Variants in XKR9 observed in about 807,000 individuals in gnomAD.
The protein encoded by XKR9 is XK related 9, also known as XK-related protein 9.
In XKR9, 32 loss-of-function variants were observed where a neutral mutation model predicts 32.0. The ratio of observed to expected loss-of-function variants is 1.00; its 90% CI spans 0.76 to 1.34. XKR9 has a LOEUF of 1.34. XKR9 is among the 40% of genes most tolerant of loss of function. XKR9 has a pLI of 0.00. For missense variants in XKR9, 546 were observed against 429.7 expected (o/e 1.27, Z -2.39); for synonymous variants, 168 against 143.4 (o/e 1.17, Z -1.22).
the XKR9 span, among the ~76,000 whole-genome samples, chr8:70,859,996 G>A: frequency 2.5e-4 from 38 of 152,226 alleles, no homozygotes; most frequent in Admixed American, 7.9e-4. Context: ...GACTTGAAAT[G>A]TTCCCAACAC....
chr8:70,908,667 CA>C, the XKR9 span, among the ~76,000 whole-genome samples: 3 of 152,210 alleles, frequency 2.0e-5, no homozygotes, highest in Admixed American at 6.5e-5. Context: ...ACTATGTAAA[CA>C]AATGAGTGTG....
the XKR9 span, among the ~76,000 whole-genome samples, chr8:70,957,545 C>T: frequency 4.3e-4 from 65 of 152,198 alleles, no homozygotes; most frequent in African/African-American, 1.5e-3. Context: ...CACTCCCCAT[C>T]CTCTGCCAGG....
At chr8:70,900,355 C>G in the XKR9 span, among the ~76,000 whole-genome samples, 1 of 151,958 alleles carries the variant, frequency 6.6e-6, no homozygotes, top group South Asian at 2.1e-4. Flanking sequence ...TTTGGGAGGC[C>G]GAGGTGGGTC....
the XKR9 span, among the ~76,000 whole-genome samples, chr8:71,045,839 G>A: frequency 6.6e-6 from 1 of 152,194 alleles, no homozygotes; most frequent in African/African-American, 2.4e-5. Flanking sequence ...AGCTGAAGTG[G>A]CTTTGGAGAG....
the XKR9 span, among the ~76,000 whole-genome samples, chr8:70,975,725 T>C: frequency 2.0e-5 from 3 of 152,152 alleles, no homozygotes; most frequent in Non-Finnish European, 4.4e-5. Flanking sequence ...GGCAATGCAG[T>C]CTCTTTTTTG....
In XKR9 at chr8:70,735,368, G is replaced by A. The variant is rs919988630; in HGVS notation, c.*944G>A. 41 of 151,868 alleles carry A rather than the reference G, an allele frequency of 2.7e-4. No homozygotes were observed. The highest frequency in any genetic ancestry group is 8.5e-4 in the African/African-American group (35 of 41,402). The allele number at this position is 151,868 out of a possible 1,614,324, so 9.4% of individuals were successfully genotyped here. A position where few individuals can be genotyped will look rare whatever the true frequency, so the allele number is the denominator to read the frequency against. On this transcript the variant is annotated 3_prime_UTR_variant, in exon 5 of 5. Transcript: ENST00000408926. ...TGAATGTGCCCCCCAGATTTCATGT[G>A]TGTGAAACTTAATCTCCAAATTTGT... is the stretch of plus-strand genomic sequence containing the variant.
At chr8:71,026,515 G>T in the XKR9 span, among the ~76,000 whole-genome samples, 1 of 152,118 alleles carries the variant, frequency 6.6e-6, no homozygotes, top group Middle Eastern at 3.2e-3. Flanking sequence ...AAGTATGTAC[G>T]GTGTGTCCTG....
At chr8:70,984,936 C>T in the XKR9 span, among the ~76,000 whole-genome samples, 1 of 152,104 alleles carries the variant, frequency 6.6e-6, no homozygotes, top group Non-Finnish European at 1.5e-5. Flanking sequence ...TAACTTATTA[C>T]ATTTAAAGAC....
At chr8:70,780,106 T>G (rs933959257) in intron 2 of XKR9, among the ~76,000 whole-genome samples, 1 of 151,618 alleles carries the variant, frequency 6.6e-6, no homozygotes, top group Non-Finnish European at 1.5e-5. Context: ...TATAGAGATA[T>G]TTCTTCTTTT....
the XKR9 span, among the ~76,000 whole-genome samples, chr8:71,041,481 A>G: frequency 6.6e-6 from 1 of 152,166 alleles, no homozygotes; most frequent in Non-Finnish European, 1.5e-5. Flanking sequence ...AAAAATTCCT[A>G]TGTGTTCACT....
chr8:70,698,439 T>C (rs1277899675), intron 3 of XKR9, among the ~76,000 whole-genome samples: 1 of 152,226 alleles, frequency 6.6e-6, no homozygotes, highest in Non-Finnish European at 1.5e-5. Context: ...CATTTCATTA[T>C]GTACCCAGTA....
the XKR9 span, among the ~76,000 whole-genome samples, chr8:70,890,305 C>A: frequency 6.6e-6 from 1 of 151,812 alleles, no homozygotes; most frequent in African/African-American, 2.4e-5. Context: ...TTATTACTTT[C>A]TTTTGTCTAA....
At chr8:71,027,700 T>C in the XKR9 span, among the ~76,000 whole-genome samples, 1 of 151,456 alleles carries the variant, frequency 6.6e-6, no homozygotes, top group African/African-American at 2.4e-5. Context: ...AAAATTGTTT[T>C]GGTTATTCAG....
the XKR9 span, among the ~76,000 whole-genome samples, chr8:70,959,293 C>CT: frequency 6.6e-6 from 1 of 152,054 alleles, no homozygotes. Context: ...CTACTTTTTT[C>CT]TTTTTCACAT....
downstream of XKR9, chr8:70,790,379 G>A (rs968975980): frequency 6.6e-6 from 1 of 151,888 alleles, no homozygotes; most frequent in Non-Finnish European, 1.5e-5. Context: ...ATTTTTAATT[G>A]TCTAAAAAAC....
chr8:70,783,226 CTTT>C (rs57296282), intron 2 of XKR9, among the ~76,000 whole-genome samples: 9 of 144,034 alleles, frequency 6.2e-5, no homozygotes, highest in East Asian at 2.0e-4. Context: ...ATTTGTATGT[CTTT>C]TTTTTTTTTT....
At chr8:70,799,521 A>T in the XKR9 span, among the ~76,000 whole-genome samples, 10 of 151,940 alleles carry the variant, frequency 6.6e-5, no homozygotes, top group African/African-American at 2.4e-4. Context: ...TAGTAGAGAC[A>T]GGGTTTCACC....
chr8:70,894,297 C>T, the XKR9 span, among the ~76,000 whole-genome samples: 1 of 151,748 alleles, frequency 6.6e-6, no homozygotes, highest in African/African-American at 2.4e-5. Context: ...GTTGTTTGGG[C>T]CCTGGGGGCA....
chr8:71,035,880 A>G, the XKR9 span, among the ~76,000 whole-genome samples: 36 of 152,248 alleles, frequency 2.4e-4, no homozygotes, highest in African/African-American at 8.4e-4. Flanking sequence ...TTCTAGAGGG[A>G]TCCCTCCTAT....
Sources: gnomAD v4.1 joint callset for allele counts (sites outside exome capture counted in the v4.1 genomes callset) on GRCh38, gnomAD v4.1.1 for gene constraint, MANE v1.5 for transcripts, NCBI Gene and HGNC (gene_info 2026-07-23, HGNC 2026-07-21) for gene names.